CCDC15: variants seen among roughly 807,000 people sequenced by gnomAD.
CCDC15 encodes the protein coiled-coil domain-containing protein 15.
A neutral mutation model predicts 114.5 loss-of-function variants in CCDC15; 105 were observed. The ratio of observed to expected loss-of-function variants is 0.92; its 90% confidence interval spans 0.78 to 1.08. The LOEUF (loss-of-function observed/expected upper bound fraction) is 1.08, where lower values mean the gene tolerates loss of function less well. Ranked by LOEUF, CCDC15 falls within the 50% of genes least tolerant of loss-of-function variation. The pLI, the probability that CCDC15 is intolerant of heterozygous loss-of-function variation, is 0.00. For missense variants in CCDC15, 1,105 were observed against 1,093.6 expected (o/e 1.01, Z -0.15); for synonymous variants, 334 against 377.8 (o/e 0.88, Z 1.34).
At chr11:124,993,280 T>C (rs11828569) in intron 11 of CCDC15, 37 bp downstream of exon 11, 64,953 of 1,337,616 alleles carry the variant, frequency 0.049, 1,843 homozygotes, top group African/African-American at 0.11. Context: ...TAGTCTCTTC[T>C]AGAGAAGTAG....
Position 125,040,964 on chromosome 11 carries a change from T to C in CCDC15, c.*253T>C, listed in dbSNP as rs56403202. On this transcript the variant is annotated 3_prime_UTR_variant, in exon 16 of 16. Coordinates refer to ENST00000344762, the MANE Select transcript of CCDC15 (RefSeq NM_025004.3). ...TAAAATATGATCAGACAAGTAAGGC[T>C]TCTCTTACTTTGCTCTGCTCTGATC... 54,957 of 397,820 alleles carry C rather than the reference T, an allele frequency of 0.14. 4,381 individuals are homozygous for C. The highest frequency in any genetic ancestry group is 0.16 in the Non-Finnish European group (35,735 of 219,298). The allele number at this position is 397,820 out of a possible 1,614,324, so 24.6% of individuals were successfully genotyped here.
rs983252822 is a variant in CCDC15, at chr11:125,017,241, T to C, written c.2411+12029T>C. ...TATTTATTGAGCATCTGTTAATTGG[T>C]AGAGATGATGCTAGACATAGGGTAT... On this transcript the variant is annotated intron_variant, in intron 13 of 15. Transcript: ENST00000344762. Among the ~76,000 whole-genome samples the C allele has an allele frequency of 2.0e-5, 3 of 152,250 alleles. No homozygotes were observed. The East Asian group carries it at 5.8e-4, about 29-fold the overall frequency.
intron 13 of CCDC15, among the ~76,000 whole-genome samples, chr11:125,010,454 C>T (rs1948582318): frequency 6.6e-6 from 1 of 151,716 alleles, no homozygotes; most frequent in Non-Finnish European, 1.5e-5. Flanking sequence ...TGTCTGCCTC[C>T]CAGATTCAAG....
At chr11:125,026,315 C>T (rs766331004) in intron 13 of CCDC15, among the ~76,000 whole-genome samples, 22 of 152,174 alleles carry the variant, frequency 1.4e-4, no homozygotes, top group Non-Finnish European at 2.2e-4. Flanking sequence ...TGGCTGAGTT[C>T]TGCCTGGTGT....
intron 6 of CCDC15, among the ~76,000 whole-genome samples, chr11:124,985,282 G>A (rs1008412583): frequency 2.6e-5 from 4 of 152,032 alleles, no homozygotes; most frequent in Non-Finnish European, 5.9e-5. Flanking sequence ...TTCACTTCTT[G>A]GTGTTTATGA....
At position 125,005,160 on chromosome 11, in the gene CCDC15, G is replaced by T; in HGVS notation, c.2359G>T (p.Glu787Ter). Residue 787 changes from glutamate (E) to a stop codon, truncating the protein, a stop_gained, in exon 13 of 16, where the codon GAA becomes TAA. Coordinates refer to ENST00000344762, the MANE Select transcript of CCDC15 (RefSeq NM_025004.3). LOFTEE classifies it high-confidence loss of function. ...HRRLFMDIEREQVKEQQRQKE... is the reference protein window; with the variant it reads ...HRRLFMDIER ...ACGACTTTTCATGGATATTGAGAGAGAACAAGTTAAAGAACAACAAAGGCA... is the reference window on the plus strand; with the variant it reads ...ACGACTTTTCATGGATATTGAGAGATAACAAGTTAAAGAACAACAAAGGCA... 1 of 1,573,952 alleles carries T rather than the reference G, an allele frequency of 6.4e-7. No individual in the cohort carries two copies. Among genetic ancestry groups the T allele is most frequent in the Non-Finnish European group, 8.6e-7 (1 of 1,156,296 alleles).
intron 6 of CCDC15, among the ~76,000 whole-genome samples, chr11:124,983,174 A>G (rs970399991): frequency 3.9e-5 from 6 of 152,040 alleles, no homozygotes; most frequent in Non-Finnish European, 7.4e-5. Flanking sequence ...CATTTTGTCT[A>G]TCAGCTTCTG....
chr11:124,983,475 G>A lies in CCDC15; in HGVS notation c.754-3267G>A, dbSNP rs924233209. On this transcript the variant is annotated intron_variant, in intron 6 of 15. Coordinates refer to ENST00000344762, the MANE Select transcript of CCDC15 (RefSeq NM_025004.3). ...ATTTTTTTTTTTAATCCTCTTTGAT[G>A]TCCTTGGGGGTTTGATTCTGGTATA... 3.3e-5 allele frequency among the ~76,000 whole-genome samples: 5 copies of A among 151,680 alleles called. No individual in the cohort carries two copies. In the South Asian group the frequency reaches 1.0e-3, roughly 32 times the overall value.
Position 124,987,689 on chromosome 11 carries a change from C to T in CCDC15, c.1463C>T (p.Pro488Leu), listed in dbSNP as rs112861775. 1.9e-6 allele frequency: 3 copies of T among 1,610,970 alleles called. No individual in the cohort carries two copies. Among genetic ancestry groups the T allele is most frequent in the Non-Finnish European group, 1.7e-6 (2 of 1,178,980 alleles). ...NFLSRDQHVL[P>L]KDQDILPKYQ... ...TTATCTAGAGACCAGCATGTTCTCC[C>T]CAAAGACCAAGATATTCTGCCAAAA... The change falls in exon 8 of 16, where the codon CCC (proline) becomes CTC (leucine). Residue 488 changes from proline to leucine, a missense_variant. Coordinates refer to ENST00000344762, the MANE Select transcript of CCDC15 (RefSeq NM_025004.3).
At position 124,987,372 on chromosome 11, in the gene CCDC15, G is replaced by A. The variant is rs754478900; in HGVS notation, c.1146G>A (p.Gln382=). The A allele has an allele frequency of 7.4e-6, 12 of 1,613,800 alleles. No homozygotes were observed. The highest frequency in any genetic ancestry group is 5.9e-6 in the Non-Finnish European group (7 of 1,179,864). ...PEGQAIEPEG[Q]PIKTETQGIM... is the part of the protein sequence containing the mutation. ...GCCAGGCCATTGAGCCAGAAGGCCA[G>A]CCTATTAAGACAGAAACTCAGGGTA... The change falls in exon 8 of 16, where the codon CAG becomes CAA. Residue 382 remains glutamine, a synonymous_variant. Coordinates refer to ENST00000344762, the MANE Select transcript of CCDC15 (RefSeq NM_025004.3).
chr11:125,002,488 A>G (rs1463314601), intron 11 of CCDC15, among the ~76,000 whole-genome samples: 1 of 152,106 alleles, frequency 6.6e-6, no homozygotes, highest in Non-Finnish European at 1.5e-5. Context: ...CAAAATCACA[A>G]AGATTGACTC....
intron 5 of CCDC15, 50 bp downstream of exon 5, chr11:124,975,259 A>G: frequency 2.7e-6 from 3 of 1,120,276 alleles, no homozygotes; most frequent in Admixed American, 2.8e-5. Flanking sequence ...TAAAAAATAC[A>G]GATAAAGATT....
Position 125,040,634 on chromosome 11 carries a change from C to A in CCDC15, c.2779C>A (p.Pro927Thr), listed in dbSNP as rs1948809608. The change falls in exon 16 of 16, where the codon CCT becomes ACT. Residue 927 changes from proline to threonine, a missense_variant. Coordinates refer to ENST00000344762, the MANE Select transcript of CCDC15 (RefSeq NM_025004.3). ...TTCATTCATCAATTCCTGTGATGTCCCTGGGGGTAATTCAACTCTTCGAGT... is the reference window on the plus strand; with the variant it reads ...TTCATTCATCAATTCCTGTGATGTCACTGGGGGTAATTCAACTCTTCGAGT... ...LHSFINSCDV[P>T]GGNSTLRVAI... 1.9e-6 allele frequency: 3 copies of A among 1,611,232 alleles called. No individual in the cohort carries two copies. The highest frequency in any genetic ancestry group is 2.7e-5 in the African/African-American group (2 of 74,826).
chr11:125,031,253 A>G, intron 13 of CCDC15, among the ~76,000 whole-genome samples: 1 of 152,224 alleles, frequency 6.6e-6, no homozygotes, highest in East Asian at 1.9e-4. Context: ...TATCGTGCAG[A>G]ACCATCTGTG....
chr11:124,966,772 G>T (rs1392412854), intron 4 of CCDC15, among the ~76,000 whole-genome samples: 1 of 152,150 alleles, frequency 6.6e-6, no homozygotes, highest in Non-Finnish European at 1.5e-5. Context: ...TTTTGCAGTG[G>T]CTGGTACTGG....
rs375781964 is a variant in CCDC15, at chr11:125,001,755, A to G, written c.2215-2112A>G. Among the ~76,000 whole-genome samples the G allele has an allele frequency of 1.6e-3, 238 of 152,358 alleles. 2 individuals are homozygous for G. The highest frequency in any genetic ancestry group is 5.4e-3 in the African/African-American group (225 of 41,570). ...CTTTGTTCCTATTCATTGCTGAAAA[A>G]TATTCCATTTTGTGCATATAGCACA... is the stretch of plus-strand genomic sequence containing the variant. On this transcript the variant is annotated intron_variant, in intron 11 of 15. Coordinates refer to ENST00000344762, the MANE Select transcript of CCDC15 (RefSeq NM_025004.3).
intron 12 of CCDC15, among the ~76,000 whole-genome samples, chr11:125,004,621 C>G (rs1948530182): frequency 6.6e-6 from 1 of 152,006 alleles, no homozygotes; most frequent in Non-Finnish European, 1.5e-5. Context: ...TCTAGTAGCA[C>G]TTGCTTTTAT....
chr11:125,018,578 G>A (rs1017196593), intron 13 of CCDC15, among the ~76,000 whole-genome samples: 3 of 151,942 alleles, frequency 2.0e-5, no homozygotes, highest in Admixed American at 1.3e-4. Flanking sequence ...GCTACCTACC[G>A]GCTGTGTGAC....
chr11:124,968,649 T>C (rs1051074915), intron 4 of CCDC15, among the ~76,000 whole-genome samples: 10 of 152,022 alleles, frequency 6.6e-5, no homozygotes, highest in Admixed American at 5.2e-4. Context: ...CGGTTCACCC[T>C]CCGTAGGCTG....
Sources: gnomAD v4.1 joint callset for allele counts (sites outside exome capture counted in the v4.1 genomes callset) on GRCh38, gnomAD v4.1.1 for gene constraint, MANE v1.5 for transcripts, NCBI Gene and HGNC (gene_info 2026-07-23, HGNC 2026-07-21) for gene names.